The following TENM1 variants were observed in gnomAD, a reference collection of about 807,000 sequenced individuals.
TENM1 encodes the protein teneurin-1.
TENM1 carries 35 observed loss-of-function variants against 174.8 expected under a neutral mutation model. The ratio of observed to expected loss-of-function variants is 0.20; its 90% CI spans 0.15 to 0.27. The LOEUF is 0.27. Among genes scored for constraint, TENM1 ranks in the 10% least tolerant of loss-of-function variants. The pLI, the probability that TENM1 is intolerant of heterozygous loss-of-function variation, is 1.00. For synonymous variants in TENM1, 781 were observed against 798.7 expected, an observed-to-expected ratio of 0.98 and a Z score of 0.37; for missense variants, 1,633 against 2,130.1, an observed-to-expected ratio of 0.77 and a Z score of 4.59.
chrX:124,891,046 C>T (rs1339221767), intron 3 of TENM1, among the ~76,000 whole-genome samples: 1 of 111,235 alleles, frequency 9.0e-6, no homozygotes, highest in Admixed American at 9.6e-5. Context: ...AAGTCAGGCA[C>T]AGAAAGACAA....
the TENM1 span, among the ~76,000 whole-genome samples, chrX:125,137,904 T>C: frequency 8.9e-6 from 1 of 111,993 alleles, no homozygotes; most frequent in African/African-American, 3.2e-5. Flanking sequence ...TGTGTTTAAT[T>C]AAAGCTCCCT....
In TENM1 at chrX:124,929,969, T is replaced by G. The variant is rs186439210; in HGVS notation, c.217+33568A>C. On this transcript the variant is annotated intron_variant, in intron 1 of 31. Coordinates refer to ENST00000422452, the Ensembl canonical transcript of TENM1. Reference sequence around the variant, plus strand: ...TAATTCCAAGATCTGGAACTGTGAATCCTTTCTTTGAACACAGCCTCTCTT... The same window carrying G: ...TAATTCCAAGATCTGGAACTGTGAAGCCTTTCTTTGAACACAGCCTCTCTT... Among the ~76,000 whole-genome samples, 7 of 111,665 alleles carry G rather than the reference T, an allele frequency of 6.3e-5. No individual in the cohort carries two copies. The East Asian group carries it at 2.0e-3, about 32-fold the overall frequency.
chrX:125,026,333 T>C, the TENM1 span, among the ~76,000 whole-genome samples: 1 of 110,858 alleles, frequency 9.0e-6, no homozygotes, highest in Admixed American at 9.6e-5. Flanking sequence ...TCTAGAGAAA[T>C]ATAAATCACT....
At chrX:125,147,459 T>C in the TENM1 span, among the ~76,000 whole-genome samples, 2 of 111,714 alleles carry the variant, frequency 1.8e-5, no homozygotes, top group Admixed American at 9.5e-5. Flanking sequence ...TTACTCAACA[T>C]TACTTTTTAG....
At chrX:124,784,395 A>C (rs890283393) in intron 3 of TENM1, among the ~76,000 whole-genome samples, 3 of 111,657 alleles carry the variant, frequency 2.7e-5, no homozygotes, top group Non-Finnish European at 5.7e-5. Flanking sequence ...TAAGGTGAAA[A>C]ATCACAGTAT....
intron 3 of TENM1, among the ~76,000 whole-genome samples, chrX:124,760,027 G>A (rs2054369369): frequency 9.0e-6 from 1 of 111,118 alleles, no homozygotes; most frequent in Non-Finnish European, 1.9e-5. Flanking sequence ...ACCCTTTCAC[G>A]ACTAATTGTC....
chrX:124,927,604 T>C (rs1283189917), intron 1 of TENM1, among the ~76,000 whole-genome samples: 6 of 111,826 alleles, frequency 5.4e-5, no homozygotes, highest in Non-Finnish European at 1.1e-4. Context: ...AGAAAGATGC[T>C]GGTGCTAATC....
chrX:124,643,918 G>A (rs951585004), intron 10 of TENM1, among the ~76,000 whole-genome samples: 1 of 106,830 alleles, frequency 9.4e-6, no homozygotes, highest in African/African-American at 3.4e-5. Flanking sequence ...GGTCTATATA[G>A]CATATGAATT....
chrX:124,911,646 T>C (rs1166972865), intron 1 of TENM1, among the ~76,000 whole-genome samples: 1 of 111,752 alleles, frequency 8.9e-6, no homozygotes, highest in African/African-American at 3.3e-5. Flanking sequence ...AATAATGAAA[T>C]TAAAGAACAG....
At chrX:124,495,547 G>C (rs2047179748) in intron 20 of TENM1, among the ~76,000 whole-genome samples, 1 of 110,053 alleles carries the variant, frequency 9.1e-6, no homozygotes, top group South Asian at 3.9e-4. Context: ...TTTGTCTTTT[G>C]TTGCCATTGC....
At position 124,837,234 on chromosome X, in the gene TENM1, A is replaced by G. The variant is rs757830196; in HGVS notation, c.535+57062T>C. Among the ~76,000 whole-genome samples the G allele has an allele frequency of 7.1e-5, 8 of 111,967 alleles. No individual in the cohort carries two copies. In the East Asian group the frequency reaches 2.3e-3, roughly 32 times the overall value. On this transcript the variant is annotated intron_variant, in intron 3 of 31. Transcript: ENST00000422452. ...CTCCCAAGTAGCTGGGATTACAGGC[A>G]TGCACCACCATGCCCGGCTAATTTC...
chrX:124,791,938 C>T (rs1382714045), intron 3 of TENM1, among the ~76,000 whole-genome samples: 6 of 111,089 alleles, frequency 5.4e-5, no homozygotes, highest in Non-Finnish European at 1.1e-4. Flanking sequence ...GACAGAAAGC[C>T]TTCAGGGAGA....
chrX:124,455,430 A>G (rs1283675860), intron 22 of TENM1, among the ~76,000 whole-genome samples: 2 of 112,053 alleles, frequency 1.8e-5, no homozygotes, highest in African/African-American at 6.5e-5. Flanking sequence ...TGCAACATCA[A>G]TTTCTTGATT....
intron 1 of TENM1, among the ~76,000 whole-genome samples, chrX:124,900,171 C>T (rs1405408299): frequency 8.9e-6 from 1 of 112,163 alleles, no homozygotes; most frequent in Non-Finnish European, 1.9e-5. Context: ...AATGGATAAT[C>T]CACCTGTGGT....
At chrX:124,470,252 CAT>C (rs1437978074) in intron 22 of TENM1, among the ~76,000 whole-genome samples, 1 of 111,907 alleles carries the variant, frequency 8.9e-6, no homozygotes. Context: ...ATGGTGTATC[CAT>C]ATGTTATAAT....
At chrX:125,051,681 AC>A in the TENM1 span, among the ~76,000 whole-genome samples, 11 of 103,744 alleles carry the variant, frequency 1.1e-4, no homozygotes, top group African/African-American at 3.6e-4. Context: ...TACACCTTAT[AC>A]AAAAATTAAT....
the TENM1 span, among the ~76,000 whole-genome samples, chrX:125,081,796 G>A: frequency 4.5e-5 from 5 of 111,167 alleles, no homozygotes; most frequent in African/African-American, 9.8e-5. Context: ...TACACACTAC[G>A]GAATATTTAT....
chrX:124,532,604 GTTC>G (rs1012263149), intron 15 of TENM1, among the ~76,000 whole-genome samples: 1 of 111,578 alleles, frequency 9.0e-6, no homozygotes, highest in African/African-American at 3.3e-5. Flanking sequence ...CTGTCTACCT[GTTC>G]TTCTTTTCAT....
chrX:124,516,138 G>C (rs1486365633), intron 18 of TENM1, among the ~76,000 whole-genome samples: 1 of 112,002 alleles, frequency 8.9e-6, no homozygotes. Context: ...TGCAGTAACT[G>C]GCTAGCCACA....
Sources: allele counts gnomAD v4.1 joint callset (sites outside exome capture counted in the v4.1 genomes callset), GRCh38; gene constraint gnomAD v4.1.1; transcripts MANE v1.5; gene names NCBI Gene and HGNC (gene_info 2026-07-23, HGNC 2026-07-21).